The following NAA35 variants were observed in gnomAD, a reference collection of about 807,000 sequenced individuals.
NAA35 encodes MAK10 homolog, amino-acid N-acetyltransferase subunit.
NAA35 carries 18 observed loss-of-function variants against 101.7 expected under a neutral mutation model. That is an observed-to-expected ratio of 0.18 (90% confidence interval 0.12 to 0.26). The LOEUF (loss-of-function observed/expected upper bound fraction) is 0.26, where lower values mean the gene tolerates loss of function less well. Ranked by LOEUF, NAA35 falls within the 10% of genes least tolerant of loss-of-function variation. The pLI is 1.00. For missense variants in NAA35, 601 were observed against 886.8 expected (o/e 0.68, Z 4.09); for synonymous variants, 267 against 273.1 (o/e 0.98, Z 0.22).
chr9:86,014,073 A>G (rs1414811834), intron 17 of NAA35, among the ~76,000 whole-genome samples, 176 bp downstream of exon 17: 1 of 152,220 alleles, frequency 6.6e-6, no homozygotes, highest in Non-Finnish European at 1.5e-5. Context: ...GTGCTATAAT[A>G]TTGCATGAGT....
In NAA35 at chr9:86,018,288, C is replaced by T. The variant is rs141080071; in HGVS notation, c.1807C>T (p.Arg603Cys). 2.7e-4 allele frequency: 441 copies of T among 1,613,756 alleles called. 2 individuals are homozygous for T. In the Middle Eastern group the frequency reaches 2.8e-3, roughly 10 times the overall value. Residue 603 changes from arginine (R) to cysteine (C), a missense_variant, in exon 20 of 23, where the codon CGT (arginine) becomes TGT (cysteine). Transcript: ENST00000361671. ...AGCATTTGACATGGACGGCAAAGTA[C>T]GTAAACCGAAGTTTGAGCTTGATAG... is the stretch of plus-strand genomic sequence containing the variant. ...MVAFDMDGKV[R>C]KPKFELDSEQ...
At chr9:85,977,188 A>G (rs1026523049) in intron 9 of NAA35, among the ~76,000 whole-genome samples, 175 bp from the exon 10 acceptor site, 3 of 152,164 alleles carry the variant, frequency 2.0e-5, no homozygotes, top group South Asian at 2.1e-4. Flanking sequence ...TCAAAAGAAT[A>G]GGCTTTGTTT....
At chr9:85,952,075 G>A (rs913114912) in intron 2 of NAA35, among the ~76,000 whole-genome samples, 1 of 152,104 alleles carries the variant, frequency 6.6e-6, no homozygotes, top group Non-Finnish European at 1.5e-5. Context: ...ACTTACAGTG[G>A]CAGATACGTA....
At chr9:85,997,910 TA>T (rs904464286) in intron 12 of NAA35, among the ~76,000 whole-genome samples, 4 of 152,012 alleles carry the variant, frequency 2.6e-5, no homozygotes, top group Non-Finnish European at 5.9e-5. Context: ...TGTGTGTATA[TA>T]TTTTTTTTGT....
At chr9:85,976,898 A>G (rs998572577) in intron 9 of NAA35, among the ~76,000 whole-genome samples, 163 bp downstream of exon 9, 1 of 152,138 alleles carries the variant, frequency 6.6e-6, no homozygotes, top group Non-Finnish European at 1.5e-5. Context: ...TTTTGATAGA[A>G]TGATAATACA....
chr9:86,014,346 G>T, intron 17 of NAA35: 1 of 977,584 alleles, frequency 1.0e-6, no homozygotes. Context: ...CAGGAGCTTT[G>T]GAGTTGATAA....
intron 21 of NAA35, 60 bp downstream of exon 21, chr9:86,018,881 T>G (rs1832375120): frequency 6.3e-7 from 1 of 1,579,072 alleles, no homozygotes; most frequent in Non-Finnish European, 8.6e-7. Context: ...CATCTCTTAC[T>G]GCTGGATGAA....
rs551107963 is a variant in NAA35, at chr9:85,964,799, T to G, written c.516+2619T>G. Among the ~76,000 whole-genome samples the G allele has an allele frequency of 1.8e-4, 28 of 152,346 alleles. 1 individual carries two copies. The highest frequency in any genetic ancestry group is 6.3e-4 in the African/African-American group (26 of 41,574). On this transcript the variant is annotated intron_variant, in intron 6 of 22. Coordinates refer to ENST00000361671, the MANE Select transcript of NAA35 (RefSeq NM_024635.4). ...ACAACTGGAGGTACACTGTCTGTCTTTCAATGGCGATATTATTTTGATCAA... is the reference window on the plus strand; with the variant it reads ...ACAACTGGAGGTACACTGTCTGTCTGTCAATGGCGATATTATTTTGATCAA...
intron 2 of NAA35, among the ~76,000 whole-genome samples, chr9:85,945,525 C>A (rs1387846769): frequency 6.6e-6 from 1 of 151,876 alleles, no homozygotes; most frequent in Non-Finnish European, 1.5e-5. Flanking sequence ...TTTGGCTAGA[C>A]TCTGGTGATT....
Position 85,941,541 on chromosome 9 carries a change from A to G in NAA35, c.-6+268A>G, listed in dbSNP as rs1014747958. 2.9e-5 allele frequency: 29 copies of G among 985,410 alleles called. No individual in the cohort carries two copies. In the African/African-American group the frequency reaches 4.7e-4, roughly 16 times the overall value. The allele number at this position is 985,410 out of a possible 1,614,324, so 61.0% of individuals were successfully genotyped here. Reference sequence around the variant, plus strand: ...CAGCTCTGTCCTTGCTTATGCGCCCAGTGGGACCGGGGCTGGGCTGGGCTG... The same window carrying G: ...CAGCTCTGTCCTTGCTTATGCGCCCGGTGGGACCGGGGCTGGGCTGGGCTG... On this transcript the variant is annotated intron_variant, in intron 1 of 22. Transcript: ENST00000361671.
Position 86,024,515 on chromosome 9 carries a change from A to G in NAA35, c.*2555A>G, listed in dbSNP as rs1587684637. Among the ~76,000 whole-genome samples, 1 of 152,208 alleles carries G rather than the reference A, an allele frequency of 6.6e-6. No individual in the cohort carries two copies. On this transcript the variant is annotated 3_prime_UTR_variant, in exon 23 of 23. Coordinates refer to ENST00000361671, the MANE Select transcript of NAA35 (RefSeq NM_024635.4). Reference sequence around the variant, plus strand: ...AGAATGGTTGAAAAGGGAGGCAGGGAAGCCAGTCACGTGAGAGAAAATGTT... The same window carrying G: ...AGAATGGTTGAAAAGGGAGGCAGGGGAGCCAGTCACGTGAGAGAAAATGTT...
chr9:86,022,140 A>C lies in NAA35; in HGVS notation c.*180A>C, dbSNP rs779329898. Reference sequence around the variant, plus strand: ...GACATGAATGAAAACTGCTGTTTTAAAGTGGTTTATTATGTTCCATGGAAG... The same window carrying C: ...GACATGAATGAAAACTGCTGTTTTACAGTGGTTTATTATGTTCCATGGAAG... On this transcript the variant is annotated 3_prime_UTR_variant, in exon 23 of 23. Transcript: ENST00000361671. 5 of 540,642 alleles carry C rather than the reference A, an allele frequency of 9.2e-6. No individual in the cohort carries two copies. The highest frequency in any genetic ancestry group is 1.6e-5 in the Non-Finnish European group (5 of 308,266). 33.5% of individuals were successfully genotyped at this position (540,642 alleles called of 1,614,324 possible).
chr9:86,013,543 T>G (rs1324859926), intron 16 of NAA35, among the ~76,000 whole-genome samples, 176 bp from the exon 17 acceptor site: 3 of 152,230 alleles, frequency 2.0e-5, no homozygotes, highest in African/African-American at 7.2e-5. Context: ...TGTTAACCAT[T>G]GTGAAATGAG....
intron 17 of NAA35, chr9:86,015,713 A>C: frequency 1.1e-6 from 1 of 912,092 alleles, no homozygotes; most frequent in Non-Finnish European, 1.3e-6. Context: ...ATAAAAGATC[A>C]TTGAGGTACC....
intron 2 of NAA35, among the ~76,000 whole-genome samples, chr9:85,951,834 A>G (rs1829031038): frequency 6.6e-6 from 1 of 152,034 alleles, no homozygotes; most frequent in Non-Finnish European, 1.5e-5. Context: ...TAATTTTTGT[A>G]TTTTTAGTAG....
intron 21 of NAA35, among the ~76,000 whole-genome samples, chr9:86,020,046 A>G (rs1301628745): frequency 1.3e-5 from 2 of 152,230 alleles, no homozygotes; most frequent in Non-Finnish European, 2.9e-5. Context: ...CTAAAAAGAA[A>G]GGTGCAGTTT....
At chr9:85,973,998 C>T (rs1201925855) in intron 6 of NAA35, among the ~76,000 whole-genome samples, 2 of 152,048 alleles carry the variant, frequency 1.3e-5, no homozygotes, top group African/African-American at 4.8e-5. Flanking sequence ...ACTCTGTCGC[C>T]CAGGCTGGAT....
intron 4 of NAA35, among the ~76,000 whole-genome samples, chr9:85,958,883 A>G (rs901020948): frequency 1.3e-5 from 2 of 152,198 alleles, no homozygotes; most frequent in African/African-American, 4.8e-5. Context: ...GTGTATTAAT[A>G]TATTCATATA....
At chr9:85,979,561 A>G (rs1830348909) in intron 11 of NAA35, among the ~76,000 whole-genome samples, 1 of 152,234 alleles carries the variant, frequency 6.6e-6, no homozygotes, top group Non-Finnish European at 1.5e-5. Context: ...AGGTTTTTGA[A>G]TAAATTTTGC....
Sources: allele counts gnomAD v4.1 joint callset (sites outside exome capture counted in the v4.1 genomes callset), GRCh38; gene constraint gnomAD v4.1.1; transcripts MANE v1.5; gene names NCBI Gene and HGNC (gene_info 2026-07-23, HGNC 2026-07-21).